PHAF1: variants seen among roughly 807,000 people sequenced by gnomAD.
The protein encoded by PHAF1 is phagosome assembly factor 1.
PHAF1 carries 23 observed loss-of-function variants against 63.1 expected under a neutral mutation model. The ratio of observed to expected loss-of-function variants is 0.36; its 90% confidence interval spans 0.26 to 0.52. The LOEUF is 0.52. Among genes scored for constraint, PHAF1 ranks in the 20% least tolerant of loss-of-function variants. The probability of loss-of-function intolerance (pLI) is 0.93; values close to 1 mark genes in which losing one functional copy is unlikely to be tolerated. For synonymous variants in PHAF1, 167 were observed against 185.0 expected (o/e 0.90, Z 0.79); for missense variants, 427 against 517.2 (o/e 0.83, Z 1.69).
intron 8 of PHAF1, 49 bp from the exon 9 acceptor site, chr16:67,139,935 C>T (rs539799741): frequency 4.3e-6 from 7 of 1,610,780 alleles, no homozygotes; most frequent in Non-Finnish European, 5.9e-6. Flanking sequence ...CAGAGAGGGT[C>T]TCTGGTCCTA....
At chr16:67,124,176 C>A (rs1963094346) in intron 2 of PHAF1, among the ~76,000 whole-genome samples, 1 of 151,940 alleles carries the variant, frequency 6.6e-6, no homozygotes, top group African/African-American at 2.4e-5. Flanking sequence ...CTCCTCCAAG[C>A]AAGATTCCTG....
chr16:67,120,127 A>T lies in PHAF1; in HGVS notation c.80A>T (p.Gln27Leu). Reference protein sequence around the residue: ...WEFTLGMPLAQAVAILQKHCR... With the variant: ...WEFTLGMPLALAVAILQKHCR... Reference sequence around the variant, plus strand: ...TTTATTTCAGGAATGCCTCTGGCTCAGGCAGTAGCCATTCTTCAGAAGCAC... The same window carrying T: ...TTTATTTCAGGAATGCCTCTGGCTCTGGCAGTAGCCATTCTTCAGAAGCAC... The change falls in exon 2 of 16, where the codon CAG becomes CTG. Residue 27 changes from glutamine (Q) to leucine (L), a missense_variant. Coordinates refer to ENST00000219139, the MANE Select transcript of PHAF1 (RefSeq NM_025187.5). 1.2e-6 allele frequency: 2 copies of T among 1,613,984 alleles called. No individual in the cohort carries two copies. The highest frequency in any genetic ancestry group is 1.7e-6 in the Non-Finnish European group (2 of 1,179,904).
At chr16:67,144,898 G>A (rs2029909377) in intron 12 of PHAF1, 21 bp downstream of exon 12, 1 of 1,610,466 alleles carries the variant, frequency 6.2e-7, no homozygotes, top group African/African-American at 1.3e-5. Flanking sequence ...AAAGCTCTCA[G>A]GGTAAGGGAG....
chr16:67,145,232 C>T (rs1484031896), intron 12 of PHAF1, 144 bp from the exon 13 acceptor site: 1 of 914,380 alleles, frequency 1.1e-6, no homozygotes, highest in African/African-American at 1.6e-5. Context: ...CTCTTCCACC[C>T]TGGAACTCCA....
At chr16:67,122,586 A>AG (rs1963029535) in intron 2 of PHAF1, among the ~76,000 whole-genome samples, 1 of 151,544 alleles carries the variant, frequency 6.6e-6, no homozygotes, top group South Asian at 2.1e-4. Context: ...AAAAAAAAAA[A>AG]AAAATGGGTT....
chr16:67,132,813 A>C lies in PHAF1; in HGVS notation c.356-4A>C. 2 of 1,607,114 alleles carry C rather than the reference A, an allele frequency of 1.2e-6. No homozygotes were observed. The highest frequency in any genetic ancestry group is 1.7e-6 in the Non-Finnish European group (2 of 1,173,634). On this transcript the variant is annotated splice_polypyrimidine_tract_variant and splice_region_variant and intron_variant, in intron 5 of 15. Transcript: ENST00000219139. ...GTTATTTTCTTCTCCCCCACCCCCA[A>C]CAGTGTACAACTCCGCTGAGCAGCT... is the stretch of plus-strand genomic sequence containing the variant.
Position 67,144,363 on chromosome 16 carries a change from T to TA in PHAF1, c.950dup (p.Tyr317Ter). ...TCTACACACCAATTACCCTGGGCAT[T>TA]ATAATTTCAACATGTGAGTACACCT... Reference protein sequence around the residue: ...FVLHTNYPGHYNFNIYHRCEF... With the variant: ...FVLHTNYPGH Residue 317 changes from tyrosine to a stop codon, truncating the protein, a stop_gained and frameshift_variant, in exon 11 of 16, where the codon TAT becomes TAAT. Coordinates refer to ENST00000219139, the MANE Select transcript of PHAF1 (RefSeq NM_025187.5). LOFTEE classifies it high-confidence loss of function. 6.2e-7 allele frequency: 1 copy of TA among 1,607,432 alleles called. No homozygotes were observed. The highest frequency in any genetic ancestry group is 8.5e-7 in the Non-Finnish European group (1 of 1,173,896).
intron 2 of PHAF1, among the ~76,000 whole-genome samples, chr16:67,122,732 T>C (rs1387264414): frequency 6.6e-6 from 1 of 152,076 alleles, no homozygotes; most frequent in Admixed American, 6.6e-5. Flanking sequence ...TCTTTGGGTT[T>C]GTTTATTTGT....
intron 1 of PHAF1, among the ~76,000 whole-genome samples, chr16:67,111,079 G>T (rs1469308964): frequency 6.6e-6 from 1 of 152,176 alleles, no homozygotes; most frequent in South Asian, 2.1e-4. Context: ...CTCCCAAAGT[G>T]CTGGGATTAC....
At position 67,126,293 on chromosome 16, in the gene PHAF1, A is replaced by G. The variant is rs555268784; in HGVS notation, c.231+251A>G. On this transcript the variant is annotated intron_variant, in intron 3 of 15. Coordinates refer to ENST00000219139, the MANE Select transcript of PHAF1 (RefSeq NM_025187.5). ...TCCCAGGCTCCAGAGGGGAAGGTGA[A>G]AGAGTGTTGAAGATTTGGGAAACAT... 2.6e-5 allele frequency among the ~76,000 whole-genome samples: 4 copies of G among 152,264 alleles called. No individual in the cohort carries two copies. The South Asian group carries it at 6.2e-4, about 24-fold the overall frequency.
chr16:67,117,604 G>C (rs1962790763), intron 1 of PHAF1, among the ~76,000 whole-genome samples: 1 of 151,328 alleles, frequency 6.6e-6, no homozygotes, highest in African/African-American at 2.4e-5. Flanking sequence ...GTGAAACCCT[G>C]TCTCTACTAA....
chr16:67,118,019 A>G (rs1019635268), intron 1 of PHAF1, among the ~76,000 whole-genome samples: 137 of 148,636 alleles, frequency 9.2e-4, no homozygotes, highest in African/African-American at 3.3e-3. Flanking sequence ...CAGTGGCGCA[A>G]TCTTGGCTCC....
At chr16:67,132,330 T>C in intron 4 of PHAF1, 116 bp from the exon 5 acceptor site, 1 of 890,098 alleles carries the variant, frequency 1.1e-6, no homozygotes, top group Non-Finnish European at 1.7e-6. Flanking sequence ...TGTATTTTGA[T>C]ATAATTAGAG....
At chr16:67,121,216 G>C (rs1374734443) in intron 2 of PHAF1, among the ~76,000 whole-genome samples, 2 of 151,038 alleles carry the variant, frequency 1.3e-5, no homozygotes, top group African/African-American at 4.9e-5. Context: ...TTGAGATGGA[G>C]TCTCGCTCTG....
chr16:67,122,710 AT>A (rs1343946235), intron 2 of PHAF1, among the ~76,000 whole-genome samples: 1 of 151,948 alleles, frequency 6.6e-6, no homozygotes, highest in Non-Finnish European at 1.5e-5. Flanking sequence ...TAGTTTCTTG[AT>A]AATAGAATAA....
In PHAF1 at chr16:67,132,448, G is replaced by A. The variant is rs1301871337; in HGVS notation, c.278G>A (p.Gly93Asp). The change falls in exon 5 of 16, where the codon GGC becomes GAC. Residue 93 changes from glycine (G) to aspartate (D), a missense_variant and splice_region_variant. Gly to Asp is a moderately conservative substitution (Grantham distance 94, BLOSUM62 -1). Coordinates refer to ENST00000219139, the MANE Select transcript of PHAF1 (RefSeq NM_025187.5). ...TAAAAAATATTTTTGTTTTTCAGTG[G>A]CGTGCATTTTAATTCTCAGGCCATA... ...DLTKVKLKYC[G>D]VHFNSQAIAP... The A allele has an allele frequency of 6.2e-7, 1 of 1,600,224 alleles. No individual in the cohort carries two copies. Among genetic ancestry groups the A allele is most frequent in the Non-Finnish European group, 8.5e-7 (1 of 1,170,974 alleles).
At chr16:67,140,234 G>A in intron 9 of PHAF1, 117 bp downstream of exon 9, 1 of 1,327,318 alleles carries the variant, frequency 7.5e-7, no homozygotes, top group East Asian at 2.5e-5. Context: ...TAATGGTAAA[G>A]TAAATTGAAA....
At chr16:67,111,726 T>C (rs1226017721) in intron 1 of PHAF1, among the ~76,000 whole-genome samples, 4 of 152,174 alleles carry the variant, frequency 2.6e-5, no homozygotes, top group Non-Finnish European at 4.4e-5. Flanking sequence ...GTTCAAGCAA[T>C]TCTCTTGCCT....
At chr16:67,144,789 G>A in intron 11 of PHAF1, 45 bp from the exon 12 acceptor site, 5 of 1,603,220 alleles carry the variant, frequency 3.1e-6, no homozygotes, top group Non-Finnish European at 4.3e-6. Flanking sequence ...GGAGTGGCCA[G>A]GCCTTCTAGG....
Sources: gnomAD v4.1 joint callset for allele counts (sites outside exome capture counted in the v4.1 genomes callset) on GRCh38, gnomAD v4.1.1 for gene constraint, MANE v1.5 for transcripts, NCBI Gene and HGNC (gene_info 2026-07-23, HGNC 2026-07-21) for gene names.